FAM53B: variants seen among roughly 807,000 people sequenced by gnomAD.
The protein encoded by FAM53B is protein FAM53B.
In FAM53B, 12 loss-of-function variants were observed where a neutral mutation model predicts 32.7. That is an observed-to-expected ratio of 0.37 (90% CI 0.24 to 0.59). FAM53B has a LOEUF of 0.59. FAM53B is among the 20% of genes least tolerant of loss of function. The pLI is 0.72. For synonymous variants in FAM53B, 234 were observed against 228.7 expected (o/e 1.02, Z -0.21); for missense variants, 477 against 577.7 (o/e 0.83, Z 1.79).
At chr10:124,630,475 C>T (rs1949383780) in intron 4 of FAM53B, among the ~76,000 whole-genome samples, 1 of 152,188 alleles carries the variant, frequency 6.6e-6, no homozygotes, top group African/African-American at 2.4e-5. Flanking sequence ...ATGCTTACCA[C>T]CTTTGGACCC....
intron 4 of FAM53B, among the ~76,000 whole-genome samples, chr10:124,660,192 T>C (rs3781453): frequency 0.27 from 41,723 of 152,034 alleles, 6,657 homozygotes; most frequent in South Asian, 0.38. Context: ...CGTTCCACCA[T>C]ATGGAGCGGA....
At position 124,681,691 on chromosome 10, in the gene FAM53B, G is replaced by A. The variant is rs370313656; in HGVS notation, c.822C>T (p.Asn274=). The A allele has an allele frequency of 2.8e-4, 451 of 1,612,164 alleles. No homozygotes were observed. The highest frequency in any genetic ancestry group is 2.7e-4 in the Non-Finnish European group (319 of 1,179,220). ...SRSRSQPCVL[N]DKKVGVKRRR... ...GCCTTTTAACACCGACCTTCTTGTC[G>A]TTAAGGACACACGGCTGGGAGCGGC... Residue 274 remains asparagine (N), a synonymous_variant, in exon 4 of 5, where the codon AAC becomes AAT. Coordinates refer to ENST00000337318, the MANE Select transcript of FAM53B (RefSeq NM_014661.4).
chr10:124,679,143 G>A (rs1009902194), intron 4 of FAM53B, among the ~76,000 whole-genome samples: 2 of 152,156 alleles, frequency 1.3e-5, no homozygotes, highest in African/African-American at 2.4e-5. Flanking sequence ...AGAGCCCAGC[G>A]GAAGGAAGCG....
chr10:124,723,470 T>C (rs1193656235), intron 1 of FAM53B, among the ~76,000 whole-genome samples: 5 of 152,144 alleles, frequency 3.3e-5, no homozygotes, highest in Admixed American at 2.0e-4. Context: ...AAAAACACAG[T>C]GACCAGCACA....
chr10:124,743,746 C>T (rs888364606), intron 1 of FAM53B, among the ~76,000 whole-genome samples: 43 of 152,064 alleles, frequency 2.8e-4, no homozygotes, highest in African/African-American at 8.7e-4. Context: ...GCTTGTTCTT[C>T]CCCATGCCTG....
At chr10:124,740,335 G>T (rs1950193192) in intron 1 of FAM53B, among the ~76,000 whole-genome samples, 1 of 152,184 alleles carries the variant, frequency 6.6e-6, no homozygotes, top group African/African-American at 2.4e-5. Flanking sequence ...TTAAAACAAA[G>T]TTGTTTGGCA....
intron 3 of FAM53B, among the ~76,000 whole-genome samples, chr10:124,685,582 C>T (rs12218963): frequency 2.6e-5 from 4 of 152,248 alleles, no homozygotes; most frequent in African/African-American, 9.6e-5. Context: ...CTGAGACATA[C>T]TACAGACTGC....
intron 4 of FAM53B, chr10:124,624,113 G>C (rs536219060): frequency 6.5e-6 from 1 of 154,502 alleles, no homozygotes; most frequent in South Asian, 2.0e-4. Flanking sequence ...TTCAAGCAGG[G>C]ACCTCTATGC....
intron 1 of FAM53B, among the ~76,000 whole-genome samples, chr10:124,724,588 C>T (rs1472144283): frequency 6.6e-6 from 1 of 152,190 alleles, no homozygotes; most frequent in Admixed American, 6.5e-5. Flanking sequence ...GTTTACTCAG[C>T]TGAACAAAGC....
chr10:124,741,420 G>A (rs1564893239), intron 1 of FAM53B, among the ~76,000 whole-genome samples: 1 of 152,214 alleles, frequency 6.6e-6, no homozygotes, highest in Non-Finnish European at 1.5e-5. Flanking sequence ...CCAAGGCATC[G>A]AGCGGTGGGT....
chr10:124,660,088 T>G (rs1949619352), intron 4 of FAM53B, among the ~76,000 whole-genome samples: 1 of 152,234 alleles, frequency 6.6e-6, no homozygotes, highest in Non-Finnish European at 1.5e-5. Context: ...ATTACAGGCA[T>G]GAGCCGCTGT....
chr10:124,743,752 G>C (rs1163537197), intron 1 of FAM53B, among the ~76,000 whole-genome samples: 4 of 151,966 alleles, frequency 2.6e-5, no homozygotes, highest in Non-Finnish European at 4.4e-5. Flanking sequence ...TCTTCCCCAT[G>C]CCTGTGCTCT....
intron 4 of FAM53B, among the ~76,000 whole-genome samples, chr10:124,627,504 G>A (rs1353702081): frequency 4.6e-5 from 7 of 152,138 alleles, no homozygotes; most frequent in African/African-American, 9.7e-5. Context: ...CCAGCCCGTC[G>A]ACTTCTGCTC....
intron 2 of FAM53B, among the ~76,000 whole-genome samples, chr10:124,700,443 G>A (rs1323672150): frequency 1.3e-5 from 2 of 152,152 alleles, no homozygotes; most frequent in Admixed American, 6.5e-5. Flanking sequence ...GCGAGCACCC[G>A]AGCCCTAGCT....
At chr10:124,642,709 G>C (rs1009988711) in intron 4 of FAM53B, among the ~76,000 whole-genome samples, 6 of 152,124 alleles carry the variant, frequency 3.9e-5, no homozygotes, top group African/African-American at 1.4e-4. Flanking sequence ...AGGCAGAAAG[G>C]GTGGCCTTCT....
chr10:124,735,685 C>T (rs1386708992), intron 1 of FAM53B, among the ~76,000 whole-genome samples: 1 of 152,244 alleles, frequency 6.6e-6, no homozygotes, highest in Non-Finnish European at 1.5e-5. Context: ...CAACAGCACG[C>T]GCTTGCCACA....
chr10:124,659,018 C>G (rs1267475180), intron 4 of FAM53B, among the ~76,000 whole-genome samples: 1 of 152,226 alleles, frequency 6.6e-6, no homozygotes, highest in Non-Finnish European at 1.5e-5. Context: ...TGGTGGTAAC[C>G]TGGCATGACA....
chr10:124,696,649 G>A (rs946014141), intron 2 of FAM53B, among the ~76,000 whole-genome samples: 12 of 152,152 alleles, frequency 7.9e-5, no homozygotes, highest in Non-Finnish European at 7.4e-5. Context: ...GTCCGACTCC[G>A]AGACCCCTCC....
chr10:124,738,205 C>G (rs565123704), intron 1 of FAM53B, among the ~76,000 whole-genome samples: 1 of 152,010 alleles, frequency 6.6e-6, no homozygotes, highest in African/African-American at 2.4e-5. Flanking sequence ...GGAACCGACC[C>G]GTAGGTATGC....
Sources: gnomAD v4.1 joint callset for allele counts (sites outside exome capture counted in the v4.1 genomes callset) on GRCh38, gnomAD v4.1.1 for gene constraint, MANE v1.5 for transcripts, NCBI Gene and HGNC (gene_info 2026-07-23, HGNC 2026-07-21) for gene names.